The following SPON1 variants were observed in gnomAD, a reference collection of about 807,000 sequenced individuals.
The protein encoded by SPON1 is spondin 1, also known as spondin-1.
A neutral mutation model predicts 111.7 loss-of-function variants in SPON1; 52 were observed. The observed-to-expected ratio is 0.47, with a 90% CI of 0.37 to 0.59. The LOEUF is 0.59. SPON1 is among the 20% of genes least tolerant of loss of function. SPON1 has a pLI of 0.00. For missense variants in SPON1, 957 were observed against 1,068.5 expected, an observed-to-expected ratio of 0.90 and a Z score of 1.46; for synonymous variants, 410 against 395.8, an observed-to-expected ratio of 1.04 and a Z score of -0.43.
At chr11:14,167,216 T>C (rs1368891527) in intron 6 of SPON1, among the ~76,000 whole-genome samples, 5 of 152,148 alleles carry the variant, frequency 3.3e-5, no homozygotes, top group African/African-American at 1.2e-4. Flanking sequence ...CAAATGTCAT[T>C]ACTGGACTTT....
intron 6 of SPON1, among the ~76,000 whole-genome samples, chr11:14,166,812 A>C (rs1848035289): frequency 6.6e-6 from 1 of 152,154 alleles, no homozygotes; most frequent in African/African-American, 2.4e-5. Flanking sequence ...AACAGCATTT[A>C]CTCTTCTATT....
intron 7 of SPON1, among the ~76,000 whole-genome samples, chr11:14,253,971 T>G (rs1246555863): frequency 6.6e-6 from 1 of 152,108 alleles, no homozygotes; most frequent in South Asian, 2.1e-4. Flanking sequence ...AAGAGAGAGG[T>G]TGAAGAGCGG....
chr11:14,171,685 T>G (rs371639444), intron 6 of SPON1, among the ~76,000 whole-genome samples: 3 of 152,192 alleles, frequency 2.0e-5, no homozygotes, highest in African/African-American at 7.2e-5. Context: ...GATTCTGGTA[T>G]GTTGTGTCTT....
In SPON1 at chr11:14,265,546, G is replaced by A. The variant is rs369824525; in HGVS notation, c.2283G>A (p.Thr761=). 1.0e-4 allele frequency: 166 copies of A among 1,613,432 alleles called. No individual in the cohort carries two copies. Among genetic ancestry groups the A allele is most frequent in the African/African-American group, 6.4e-4 (48 of 75,004 alleles). The part of the protein sequence containing the change: ...QFPGCRMRPW[T]AWSECTKLCG... The stretch of plus-strand genomic sequence containing the variant: ...CAGGTTGTAGGATGCGCCCATGGAC[G>A]GCCTGGTCAGAATGCACCAAACTGT... Residue 761 remains threonine (T), a synonymous_variant, in exon 16 of 16, where the codon ACG becomes ACA. Coordinates refer to ENST00000576479, the MANE Select transcript of SPON1 (RefSeq NM_006108.4).
intron 6 of SPON1, among the ~76,000 whole-genome samples, chr11:14,139,965 G>A (rs148779356): frequency 6.6e-6 from 1 of 152,300 alleles, no homozygotes; most frequent in East Asian, 1.9e-4. Context: ...TGTGACACAA[G>A]GATAGTGAGG....
At chr11:14,126,358 T>C (rs1447911479) in intron 5 of SPON1, among the ~76,000 whole-genome samples, 3 of 152,184 alleles carry the variant, frequency 2.0e-5, no homozygotes, top group Non-Finnish European at 4.4e-5. Flanking sequence ...TTAGCACTGG[T>C]GTTTTAAGCA....
chr11:14,146,244 G>T (rs1847717172), intron 6 of SPON1, among the ~76,000 whole-genome samples: 1 of 150,210 alleles, frequency 6.7e-6, no homozygotes, highest in Non-Finnish European at 1.5e-5. Context: ...CCATCTCTCA[G>T]GTTCAAGCAA....
Position 13,984,477 on chromosome 11 carries a change from G to A in SPON1, c.345+1524G>A, listed in dbSNP as rs191065803. Among the ~76,000 whole-genome samples, 23 of 152,278 alleles carry A rather than the reference G, an allele frequency of 1.5e-4. No individual in the cohort carries two copies. The East Asian group carries it at 4.4e-3, about 29-fold the overall frequency. ...CTGCATTATCCCATGGGGAAAGGCA[G>A]AAGGGTAAGAGAAGGTGAGAGCAAG... On this transcript the variant is annotated intron_variant, in intron 2 of 15. Coordinates refer to ENST00000576479, the MANE Select transcript of SPON1 (RefSeq NM_006108.4).
chr11:14,211,897 A>G (rs1368249986), intron 6 of SPON1, among the ~76,000 whole-genome samples: 1 of 152,040 alleles, frequency 6.6e-6, no homozygotes, highest in Non-Finnish European at 1.5e-5. Context: ...CTAAAGCAAT[A>G]TTATGTTATA....
intron 5 of SPON1, among the ~76,000 whole-genome samples, chr11:14,101,238 A>G (rs1314914681): frequency 6.6e-6 from 1 of 152,002 alleles, no homozygotes; most frequent in Admixed American, 6.6e-5. Flanking sequence ...CATCTCTACT[A>G]AAAATACAAA....
chr11:13,962,922 GC>G lies in SPON1; in HGVS notation c.22del (p.Leu8Ter). On this transcript the variant is annotated frameshift_variant, in exon 1 of 16. Coordinates refer to ENST00000576479, the MANE Select transcript of SPON1 (RefSeq NM_006108.4). LOFTEE classifies it high-confidence loss of function. MRLSPAPLKLSRTPALL... is the reference protein window; with the variant it reads MRLSPAXLKLSRTPALL... The stretch of plus-strand genomic sequence containing the variant: ...CCGCGAAGATGAGGCTGTCCCCGGC[GC>G]CCCTGAAGCTGAGCCGGACTCCGGC... The G allele has an allele frequency of 6.4e-7, 1 of 1,551,424 alleles. No homozygotes were observed. The highest frequency in any genetic ancestry group is 8.7e-7 in the Non-Finnish European group (1 of 1,152,946).
In SPON1 at chr11:14,257,787, A is replaced by G. The variant is rs782681494; in HGVS notation, c.1381A>G (p.Lys461Glu). The change falls in exon 11 of 16, where the codon AAA (lysine) becomes GAA (glutamate). Residue 461 changes from lysine to glutamate, a missense_variant. Physicochemically the swap from Lys to Glu is moderately conservative, Grantham distance 56 (BLOSUM62 1). Coordinates refer to ENST00000576479, the MANE Select transcript of SPON1 (RefSeq NM_006108.4). ...WSACSSSTCD[K>E]GKRMRQRMLK... The stretch of plus-strand genomic sequence containing the variant: ...CGCCTGCAGCTCCTCCACCTGTGAC[A>G]AAGGCAAGAGGATGCGACAGCGCAT... The G allele has an allele frequency of 5.6e-6, 9 of 1,612,876 alleles. No individual in the cohort carries two copies. The highest frequency in any genetic ancestry group is 2.2e-5 in the South Asian group (2 of 90,748).
chr11:14,031,374 G>A (rs1269828488), intron 2 of SPON1, among the ~76,000 whole-genome samples: 1 of 152,156 alleles, frequency 6.6e-6, no homozygotes, highest in African/African-American at 2.4e-5. Context: ...TGGAAGATGG[G>A]GGTATTTGTA....
At chr11:14,072,592 C>T (rs1848885597) in intron 3 of SPON1, among the ~76,000 whole-genome samples, 1 of 152,074 alleles carries the variant, frequency 6.6e-6, no homozygotes, top group African/African-American at 2.4e-5. Flanking sequence ...AAGTCTGCAA[C>T]CCGGGAAGCT....
At chr11:14,032,395 C>G (rs560293450) in intron 2 of SPON1, among the ~76,000 whole-genome samples, 43 of 152,250 alleles carry the variant, frequency 2.8e-4, no homozygotes, top group African/African-American at 9.9e-4. Context: ...TTTGTTTCCC[C>G]TCTTAAAAGT....
chr11:14,243,392 A>G lies in SPON1; in HGVS notation c.886A>G (p.Asn296Asp), dbSNP rs782141238. ...KAQWPAWQPL[N>D]VRAAPSAEFS... ...CCAATGGCCAGCCTGGCAGCCTCTCAACGTGTAAGTAACACAAGTCCCTTG... is the reference window on the plus strand; with the variant it reads ...CCAATGGCCAGCCTGGCAGCCTCTCGACGTGTAAGTAACACAAGTCCCTTG... The change falls in exon 7 of 16, where the codon AAC (asparagine) becomes GAC (aspartate). Residue 296 changes from asparagine to aspartate, a missense_variant. Coordinates refer to ENST00000576479, the MANE Select transcript of SPON1 (RefSeq NM_006108.4). 6.3e-5 allele frequency: 99 copies of G among 1,571,578 alleles called. No individual in the cohort carries two copies. The highest frequency in any genetic ancestry group is 1.3e-5 in the Non-Finnish European group (15 of 1,157,852).
rs1234172442 is a variant in SPON1, at chr11:14,160,822, AT to A, written c.825+25258del. Among the ~76,000 whole-genome samples, 7 of 23,630 alleles carry A rather than the reference AT, an allele frequency of 3.0e-4. 1 individual carries two copies. Among genetic ancestry groups the A allele is most frequent in the African/African-American group, 9.0e-4 (6 of 6,688 alleles). 15.5% of individuals were successfully genotyped at this position (23,630 alleles called of 152,430 possible). On this transcript the variant is annotated intron_variant, in intron 6 of 15. Transcript: ENST00000576479. ...TATTTTTATATATATTTTTATATAT[AT>A]TTTATATATATTTATATATTTATAT...
chr11:14,003,543 G>A (rs782537452), intron 2 of SPON1, among the ~76,000 whole-genome samples: 11 of 152,138 alleles, frequency 7.2e-5, no homozygotes, highest in Non-Finnish European at 1.2e-4. Flanking sequence ...GATTAAGCCT[G>A]CTGGGAATAA....
intron 6 of SPON1, among the ~76,000 whole-genome samples, chr11:14,212,926 A>C (rs1250393811): frequency 3.3e-5 from 5 of 152,228 alleles, no homozygotes; most frequent in Non-Finnish European, 5.9e-5. Flanking sequence ...GACAGAATTG[A>C]CAAGAGGCCA....
Sources: allele counts gnomAD v4.1 joint callset (sites outside exome capture counted in the v4.1 genomes callset), GRCh38; gene constraint gnomAD v4.1.1; transcripts MANE v1.5; gene names NCBI Gene and HGNC (gene_info 2026-07-23, HGNC 2026-07-21).